SEMA3E: variants seen among roughly 807,000 people sequenced by gnomAD.
SEMA3E encodes the protein semaphorin-3E.
SEMA3E carries 49 observed loss-of-function variants against 93.6 expected under a neutral mutation model. The ratio of observed to expected loss-of-function variants is 0.52; its 90% CI spans 0.42 to 0.66. The LOEUF (loss-of-function observed/expected upper bound fraction) is 0.66. Ranked by LOEUF, SEMA3E falls within the 30% of genes least tolerant of loss-of-function variation. SEMA3E has a pLI of 0.00. For synonymous variants in SEMA3E, 363 were observed against 330.7 expected (o/e 1.10, Z -1.06); for missense variants, 906 against 964.8 (o/e 0.94, Z 0.81).
intron 1 of SEMA3E, among the ~76,000 whole-genome samples, chr7:83,547,015 T>A (rs1021168273): frequency 1.3e-5 from 2 of 152,054 alleles, no homozygotes; most frequent in African/African-American, 4.8e-5. Context: ...TGATAAGCAA[T>A]GATAAGCAAG....
intron 15 of SEMA3E, 50 bp from the exon 16 acceptor site, chr7:83,385,483 A>C: frequency 6.3e-7 from 1 of 1,588,586 alleles, no homozygotes; most frequent in Non-Finnish European, 8.6e-7. Flanking sequence ...TTTATAGGTA[A>C]ATAAATTTTT....
intron 2 of SEMA3E, among the ~76,000 whole-genome samples, chr7:83,488,248 A>T (rs1790307296): frequency 6.6e-6 from 1 of 151,882 alleles, no homozygotes; most frequent in African/African-American, 2.4e-5. Flanking sequence ...AATGAAGAGA[A>T]GAAAAGATAC....
At chr7:83,378,518 G>A (rs1021827064) in intron 16 of SEMA3E, among the ~76,000 whole-genome samples, 18 of 151,950 alleles carry the variant, frequency 1.2e-4, no homozygotes, top group Admixed American at 3.9e-4. Flanking sequence ...TATTTTGGTA[G>A]AGTACACTAA....
chr7:83,484,000 C>G (rs998961762), intron 2 of SEMA3E, among the ~76,000 whole-genome samples: 3 of 152,186 alleles, frequency 2.0e-5, no homozygotes, highest in Non-Finnish European at 4.4e-5. Flanking sequence ...CACCCCCAAT[C>G]TGACCCCACC....
chr7:83,489,575 T>C (rs1790337931), intron 2 of SEMA3E, among the ~76,000 whole-genome samples: 1 of 152,146 alleles, frequency 6.6e-6, no homozygotes, highest in Admixed American at 6.6e-5. Context: ...CAATTATTTG[T>C]ATAATTATAG....
intron 4 of SEMA3E, 23 bp from the exon 5 acceptor site, chr7:83,418,506 C>A (rs1376972333): frequency 2.0e-6 from 3 of 1,495,230 alleles, no homozygotes; most frequent in Non-Finnish European, 2.8e-6. Context: ...CCAGAAAAAT[C>A]ATTATGAATA....
chr7:83,642,116 C>G (rs976386013), intron 1 of SEMA3E, among the ~76,000 whole-genome samples: 4 of 152,066 alleles, frequency 2.6e-5, no homozygotes, highest in Non-Finnish European at 5.9e-5. Flanking sequence ...TTTCCTATGC[C>G]AAAGCTACAA....
chr7:83,646,150 A>C (rs1235236500), intron 1 of SEMA3E, among the ~76,000 whole-genome samples: 2 of 152,066 alleles, frequency 1.3e-5, no homozygotes, highest in African/African-American at 2.4e-5. Flanking sequence ...AGTGCCTCTT[A>C]TATTGAAAGA....
chr7:83,537,509 C>A (rs1232436077), intron 1 of SEMA3E, among the ~76,000 whole-genome samples: 1 of 152,012 alleles, frequency 6.6e-6, no homozygotes, highest in Non-Finnish European at 1.5e-5. Context: ...ATCAGGCATG[C>A]TTTTATACAT....
intron 5 of SEMA3E, among the ~76,000 whole-genome samples, chr7:83,410,695 C>T (rs185195109): frequency 6.6e-6 from 1 of 152,098 alleles, no homozygotes; most frequent in East Asian, 1.9e-4. Context: ...ATTATTTGAA[C>T]ATGGATAAAA....
chr7:83,521,127 G>C (rs2115686579), intron 1 of SEMA3E, among the ~76,000 whole-genome samples: 1 of 151,460 alleles, frequency 6.6e-6, no homozygotes, highest in South Asian at 2.1e-4. Flanking sequence ...TGCACAAAAT[G>C]TTGGTAGAAG....
intron 4 of SEMA3E, among the ~76,000 whole-genome samples, chr7:83,429,812 G>A (rs192943286): frequency 2.6e-5 from 4 of 151,846 alleles, no homozygotes; most frequent in African/African-American, 4.8e-5. Context: ...AATTCCATTC[G>A]GTTTTTTGCT....
Position 83,456,000 on chromosome 7 carries a change from T to C in SEMA3E, c.456+10482A>G, listed in dbSNP as rs377018302. On this transcript the variant is annotated intron_variant, in intron 4 of 16. Transcript: ENST00000643230. The stretch of plus-strand genomic sequence containing the variant: ...ACTAAACAGTGCCTGGACTCTCACG[T>C]CCCACAGAAACTGTGAGATAATAAG... Among the ~76,000 whole-genome samples the C allele has an allele frequency of 3.9e-5, 6 of 152,312 alleles. No individual in the cohort carries two copies. In the East Asian group the frequency reaches 1.2e-3, roughly 29 times the overall value.
At chr7:83,449,591 G>T (rs1470683829) in intron 4 of SEMA3E, among the ~76,000 whole-genome samples, 1 of 151,932 alleles carries the variant, frequency 6.6e-6, no homozygotes, top group African/African-American at 2.4e-5. Context: ...TGAATCAAAA[G>T]CTTATATCAT....
At chr7:83,617,076 C>T (rs1486726661) in intron 1 of SEMA3E, among the ~76,000 whole-genome samples, 1 of 151,968 alleles carries the variant, frequency 6.6e-6, no homozygotes, top group East Asian at 1.9e-4. Flanking sequence ...AATTTGGTTA[C>T]AATACCAAAC....
intron 1 of SEMA3E, among the ~76,000 whole-genome samples, chr7:83,495,426 T>C (rs1402654820): frequency 1.3e-5 from 2 of 151,782 alleles, no homozygotes; most frequent in African/African-American, 2.4e-5. Flanking sequence ...AAGAAATTCA[T>C]AGAAATTGCA....
At chr7:83,573,248 CATTGTCATTTTT>C (rs144586874) in intron 1 of SEMA3E, among the ~76,000 whole-genome samples, 16,025 of 151,872 alleles carry the variant, frequency 0.11, 1,005 homozygotes, top group East Asian at 0.2. Context: ...TAAACAGTGT[CATTGTCATTTTT>C]ATTGTCATTT....
chr7:83,635,657 TATAG>T (rs1351760020), intron 1 of SEMA3E, among the ~76,000 whole-genome samples: 1 of 152,016 alleles, frequency 6.6e-6, no homozygotes, highest in Admixed American at 6.5e-5. Flanking sequence ...TTTCTTGGCT[TATAG>T]ATATAGTAAA....
At chr7:83,527,986 G>A (rs1311688186) in intron 1 of SEMA3E, among the ~76,000 whole-genome samples, 2 of 151,880 alleles carry the variant, frequency 1.3e-5, no homozygotes, top group East Asian at 1.9e-4. Context: ...AAACAAAAAC[G>A]TTATAACCCA....
Sources: allele counts gnomAD v4.1 joint callset (sites outside exome capture counted in the v4.1 genomes callset), GRCh38; gene constraint gnomAD v4.1.1; transcripts MANE v1.5; gene names NCBI Gene and HGNC (gene_info 2026-07-23, HGNC 2026-07-21).